The following UNC80 variants were observed in gnomAD, a reference collection of about 807,000 sequenced individuals.
The protein encoded by UNC80 is protein unc-80 homolog.
UNC80 carries 164 observed loss-of-function variants against 384.6 expected under a neutral mutation model. The observed-to-expected ratio is 0.43, with a 90% confidence interval of 0.38 to 0.49. UNC80 has a LOEUF of 0.49. Among genes scored for constraint, UNC80 ranks in the 20% least tolerant of loss-of-function variants. The pLI, the probability that UNC80 is intolerant of heterozygous loss-of-function variation, is 0.00. For missense variants in UNC80, 3,330 were observed against 4,143.0 expected (o/e 0.80, Z 5.39); for synonymous variants, 1,486 against 1,527.8 (o/e 0.97, Z 0.64).
At chr2:209,920,393 A>C (rs1390703116) in intron 33 of UNC80, among the ~76,000 whole-genome samples, 1 of 152,138 alleles carries the variant, frequency 6.6e-6, no homozygotes, top group Admixed American at 6.5e-5. Context: ...ATAGAGAAGA[A>C]CTCCAGTGAT....
At chr2:209,893,036 T>C (rs2086493598) in intron 26 of UNC80, among the ~76,000 whole-genome samples, 1 of 152,250 alleles carries the variant, frequency 6.6e-6, no homozygotes, top group African/African-American at 2.4e-5. Context: ...GGAATTCTTC[T>C]GACCTCCTTT....
Position 209,872,640 on chromosome 2 carries a change from A to G in UNC80, c.3628-118A>G. On this transcript the variant is annotated intron_variant, in intron 22 of 64. Coordinates refer to ENST00000673920, the MANE Select transcript of UNC80 (RefSeq NM_001371986.1). This position sits in a 1 kb window ranked among gnomAD's most constrained non-coding sequence, Gnocchi z 4.1. ...CACCACCCTGGGAAATATGGCCAAT[A>G]TAAATCAAAACATGAAGAGGAAAAT... The G allele has an allele frequency of 4.0e-6, 4 of 1,004,176 alleles. No individual in the cohort carries two copies. The Middle Eastern group carries it at 9.3e-4, about 235-fold the overall frequency. 62.2% of individuals were successfully genotyped at this position (1,004,176 alleles called of 1,614,324 possible). A position where few individuals can be genotyped will look rare whatever the true frequency, so the allele number is the denominator to read the frequency against.
chr2:209,913,378 A>G (rs2089171636), intron 30 of UNC80, among the ~76,000 whole-genome samples: 1 of 152,150 alleles, frequency 6.6e-6, no homozygotes, highest in Non-Finnish European at 1.5e-5. Context: ...AATGCCATGC[A>G]TGTTCACAAT....
rs1173187093 is a variant in UNC80, at chr2:209,839,333, A to G, written c.3153A>G (p.Ser1051=). 9.7e-6 allele frequency: 15 copies of G among 1,551,890 alleles called. No homozygotes were observed. The East Asian group carries it at 3.7e-4, about 38-fold the overall frequency. Residue 1051 remains serine (S), a synonymous_variant, in exon 19 of 65, where the codon TCA becomes TCG. Transcript: ENST00000673920. This position sits in a 1 kb window ranked among gnomAD's most constrained non-coding sequence, Gnocchi z 4.1. ...GCAGCCAGTCTGAACAGGACACTTC[A>G]GAATGCACGACTGCCCACTCAGGGA... is the stretch of plus-strand genomic sequence containing the variant. ...DTSSQSEQDT[S]ECTTAHSGTT... is the part of the protein sequence containing the mutation.
At position 209,816,346 on chromosome 2, in the gene UNC80, T is replaced by C. The variant is rs1298723753; in HGVS notation, c.1336-563T>C. Reference sequence around the variant, plus strand: ...TGGTTTTGAACTTGTTTGGTAGGAATGATGGGTTTGTGGCAATGTATGGTC... The same window carrying C: ...TGGTTTTGAACTTGTTTGGTAGGAACGATGGGTTTGTGGCAATGTATGGTC... On this transcript the variant is annotated intron_variant, in intron 9 of 64. Transcript: ENST00000673920. Among the ~76,000 whole-genome samples the C allele has an allele frequency of 2.0e-5, 3 of 152,234 alleles. No individual in the cohort carries two copies. The South Asian group carries it at 6.2e-4, about 31-fold the overall frequency.
chr2:209,833,897 T>C, intron 16 of UNC80, 105 bp from the exon 17 acceptor site: 3 of 1,102,856 alleles, frequency 2.7e-6, no homozygotes, highest in Non-Finnish European at 3.9e-6. Flanking sequence ...ATGATTCCAA[T>C]GCTCATCTAA....
intron 6 of UNC80, among the ~76,000 whole-genome samples, chr2:209,791,670 A>T (rs1237793585): frequency 1.3e-5 from 2 of 151,900 alleles, no homozygotes; most frequent in Non-Finnish European, 2.9e-5. Flanking sequence ...AATACAAAAA[A>T]ATTAGCTGGG....
intron 38 of UNC80, 108 bp from the exon 39 acceptor site, chr2:209,933,714 A>T (rs2091052941): frequency 2.1e-6 from 2 of 964,906 alleles, no homozygotes; most frequent in Admixed American, 2.7e-5. Flanking sequence ...AACAGAGAAT[A>T]TGAAGGCACA....
chr2:209,967,387 T>G, intron 51 of UNC80, 50 bp from the exon 52 acceptor site: 4 of 1,338,346 alleles, frequency 3.0e-6, no homozygotes, highest in Non-Finnish European at 3.9e-6. Flanking sequence ...TCCTGTTGTG[T>G]AATTCTAAGC....
chr2:209,907,291 CAAAAAAAAA>C (rs35210647), intron 29 of UNC80, among the ~76,000 whole-genome samples: 1 of 68,660 alleles, frequency 1.5e-5, no homozygotes, highest in Non-Finnish European at 2.9e-5. Context: ...CAATAATGGG[CAAAAAAAAA>C]AAAAAAAAAA....
chr2:209,905,724 A>T (rs1005995698), intron 29 of UNC80, among the ~76,000 whole-genome samples: 10 of 152,198 alleles, frequency 6.6e-5, no homozygotes, highest in Non-Finnish European at 1.5e-4. Flanking sequence ...CAGCCAAGTA[A>T]AAGAGTCATC....
chr2:209,937,683 A>C (rs2091344430), intron 42 of UNC80, 53 bp downstream of exon 42: 2 of 1,348,830 alleles, frequency 1.5e-6, no homozygotes, highest in Non-Finnish European at 2.1e-6. Context: ...GTTGGAGTAG[A>C]TATCTGTTCA....
At chr2:209,954,070 G>A (rs769238008) in intron 47 of UNC80, 30 bp from the exon 48 acceptor site, 3 of 1,533,938 alleles carry the variant, frequency 2.0e-6, no homozygotes, top group African/African-American at 1.4e-5. Context: ...AATGTAAAAG[G>A]TGACTCGGTT....
chr2:209,919,742 AAG>A (rs2089884664), intron 33 of UNC80, among the ~76,000 whole-genome samples: 2 of 152,240 alleles, frequency 1.3e-5, no homozygotes, highest in East Asian at 3.9e-4. Flanking sequence ...TACCTTGCCA[AAG>A]AGAAATACAC....
At chr2:209,902,949 T>A (rs1375216394) in intron 28 of UNC80, among the ~76,000 whole-genome samples, 1 of 140,034 alleles carries the variant, frequency 7.1e-6, no homozygotes, top group East Asian at 2.4e-4. Context: ...GTGTGTACAG[T>A]CATCCCTTGG....
intron 22 of UNC80, among the ~76,000 whole-genome samples, chr2:209,868,408 G>A (rs747267509): frequency 5.3e-5 from 8 of 152,018 alleles, no homozygotes; most frequent in Admixed American, 2.6e-4. Flanking sequence ...AGATTTCTTC[G>A]CACATTGTAA....
rs1559186539 is a variant in UNC80 at position 209,844,551 on chromosome 2, T to TTC, written c.3454+2106_3454+2107insCT. Among the ~76,000 whole-genome samples the TTC allele has an allele frequency of 2.7e-4, 31 of 115,994 alleles. 1 individual carries two copies. The highest frequency in any genetic ancestry group is 1.9e-3 in the South Asian group (5 of 2,584). 76.1% of individuals were successfully genotyped at this position (115,994 alleles called of 152,430 possible). On this transcript the variant is annotated intron_variant, in intron 21 of 64. Coordinates refer to ENST00000673920, the MANE Select transcript of UNC80 (RefSeq NM_001371986.1). ...TCCTTCCTTCCTTCCTTCCTTCCTT[T>TTC]TTCTTTCCAAATCTCCTTCTTTCTT...
chr2:209,803,038 CCTCT>C (rs1392126516), intron 7 of UNC80, among the ~76,000 whole-genome samples: 1 of 152,188 alleles, frequency 6.6e-6, no homozygotes, highest in African/African-American at 2.4e-5. Context: ...GGAGAGAAAT[CCTCT>C]CTAATTCCAG....
intron 49 of UNC80, among the ~76,000 whole-genome samples, chr2:209,958,754 A>G (rs1482843481): frequency 6.6e-6 from 1 of 152,214 alleles, no homozygotes; most frequent in Non-Finnish European, 1.5e-5. Context: ...GAAGTCAGCC[A>G]TGATTCTCCT....
Sources: gnomAD v4.1 joint callset for allele counts (sites outside exome capture counted in the v4.1 genomes callset) on GRCh38, gnomAD v4.1.1 for gene constraint, Gnocchi (gnomAD v3.1) non-coding constraint, MANE v1.5 for transcripts, NCBI Gene and HGNC (gene_info 2026-07-23, HGNC 2026-07-21) for gene names.